Variants in SLCO1B1 observed in about 807,000 individuals in gnomAD.
SLCO1B1 encodes the protein solute carrier organic anion transporter family member 1B1.
Under a neutral mutation model 70.1 loss-of-function variants are expected in SLCO1B1, and 81 were observed. The ratio of observed to expected loss-of-function variants is 1.16; its 90% CI spans 0.97 to 1.39. The LOEUF is 1.39. SLCO1B1 is among the 40% of genes most tolerant of loss of function. The pLI, the probability that SLCO1B1 is intolerant of heterozygous loss-of-function variation, is 0.00. For missense variants in SLCO1B1, 895 were observed against 799.6 expected (o/e 1.12, Z -1.44); for synonymous variants, 283 against 271.5 (o/e 1.04, Z -0.42).
At chr12:21,188,835 T>C (rs939812704) in intron 7 of SLCO1B1, among the ~76,000 whole-genome samples, 3 of 152,144 alleles carry the variant, frequency 2.0e-5, no homozygotes, top group Non-Finnish European at 4.4e-5. Context: ...AGTGTTACTG[T>C]TTTATGTTCC....
At chr12:21,202,713 C>T in intron 10 of SLCO1B1, 27 bp downstream of exon 10, 1 of 1,528,862 alleles carries the variant, frequency 6.5e-7, no homozygotes, top group Non-Finnish European at 9.0e-7. Flanking sequence ...ATATCAATTG[C>T]ATAATATGTT....
chr12:21,136,590 A>G (rs1591794206), intron 1 of SLCO1B1, among the ~76,000 whole-genome samples: 2 of 152,148 alleles, frequency 1.3e-5, no homozygotes, highest in Non-Finnish European at 1.5e-5. Context: ...TTCGTCTTCC[A>G]TCACTGATAA....
At chr12:21,195,380 T>C (rs549444506) in intron 7 of SLCO1B1, among the ~76,000 whole-genome samples, 1 of 152,334 alleles carries the variant, frequency 6.6e-6, no homozygotes, top group African/African-American at 2.4e-5. Context: ...AATTTTTTCC[T>C]TCCCAAGGAG....
At chr12:21,150,903 T>C (rs1940462622) in intron 2 of SLCO1B1, among the ~76,000 whole-genome samples, 1 of 152,190 alleles carries the variant, frequency 6.6e-6, no homozygotes, top group African/African-American at 2.4e-5. Context: ...TCAATTTCAA[T>C]CTTTTAATTA....
At chr12:21,235,197 G>A (rs1230539557) in intron 14 of SLCO1B1, among the ~76,000 whole-genome samples, 1 of 150,758 alleles carries the variant, frequency 6.6e-6, no homozygotes, top group Non-Finnish European at 1.5e-5. Flanking sequence ...CTTAGGTCTG[G>A]TAGTATTTAT....
At chr12:21,174,440 C>T in intron 3 of SLCO1B1, 137 bp from the exon 4 acceptor site, 1 of 806,766 alleles carries the variant, frequency 1.2e-6, no homozygotes. Context: ...TAGGTGAATT[C>T]ACCTTCTCAA....
chr12:21,178,482 AT>A (rs1440440689), intron 5 of SLCO1B1, 93 bp from the exon 6 acceptor site: 93 of 903,718 alleles, frequency 1.0e-4, no homozygotes, highest in Middle Eastern at 6.8e-4. Context: ...TTAAAAAAAA[AT>A]AAGTAGAATA....
intron 10 of SLCO1B1, among the ~76,000 whole-genome samples, 197 bp from the exon 11 acceptor site, chr12:21,205,671 C>A (rs572900190): frequency 6.6e-6 from 1 of 150,810 alleles, no homozygotes; most frequent in African/African-American, 2.5e-5. Context: ...AGATGGAGAG[C>A]GTAAAATAAA....
chr12:21,147,130 T>G (rs77151898), intron 2 of SLCO1B1, among the ~76,000 whole-genome samples: 6 of 148,564 alleles, frequency 4.0e-5, no homozygotes. Flanking sequence ...AGAAGTGTTA[T>G]GTTTTCTTAA....
chr12:21,191,377 A>G (rs971285373), intron 7 of SLCO1B1, among the ~76,000 whole-genome samples: 5 of 145,752 alleles, frequency 3.4e-5, no homozygotes, highest in Non-Finnish European at 7.8e-5. Flanking sequence ...TTTATTCTTT[A>G]TGATTTTAGT....
intron 14 of SLCO1B1, among the ~76,000 whole-genome samples, chr12:21,226,609 T>G (rs1291977602): frequency 6.6e-6 from 1 of 152,088 alleles, no homozygotes; most frequent in African/African-American, 2.4e-5. Context: ...AATGATTTTA[T>G]ATGATATTAT....
chr12:21,184,597 T>C (rs953206471), intron 7 of SLCO1B1, among the ~76,000 whole-genome samples: 3 of 152,188 alleles, frequency 2.0e-5, no homozygotes, highest in African/African-American at 7.2e-5. Flanking sequence ...ACCAGCCTTA[T>C]AACAGGTCTC....
chr12:21,232,236 A>G (rs555990185), intron 14 of SLCO1B1, among the ~76,000 whole-genome samples: 1 of 152,356 alleles, frequency 6.6e-6, no homozygotes, highest in South Asian at 2.1e-4. Flanking sequence ...GAGCTATAGC[A>G]TTGGATAGTC....
At chr12:21,212,783 T>G (rs955301316) in intron 11 of SLCO1B1, among the ~76,000 whole-genome samples, 6 of 149,190 alleles carry the variant, frequency 4.0e-5, no homozygotes, top group Admixed American at 4.0e-4. Context: ...GATAGTTAGC[T>G]CTTCTTGTTG....
chr12:21,178,898 A>T (rs1469166544), intron 6 of SLCO1B1, 24 bp from the exon 7 acceptor site: 3 of 1,544,066 alleles, frequency 1.9e-6, no homozygotes, highest in Non-Finnish European at 2.7e-6. Flanking sequence ...GGCATCTAGT[A>T]AAATTGCTTT....
intron 2 of SLCO1B1, among the ~76,000 whole-genome samples, chr12:21,165,601 A>T (rs576980053): frequency 3.9e-4 from 59 of 152,292 alleles, no homozygotes; most frequent in African/African-American, 1.4e-3. Flanking sequence ...AAAATTGTGT[A>T]TTGAATTTCA....
chr12:21,227,696 A>T (rs4149083), intron 14 of SLCO1B1, among the ~76,000 whole-genome samples: 19,368 of 152,070 alleles, frequency 0.13, 1,582 homozygotes, highest in Middle Eastern at 0.18. Context: ...TTTCCAGGAC[A>T]CCTGGCAAGA....
intron 1 of SLCO1B1, among the ~76,000 whole-genome samples, chr12:21,137,271 G>A (rs370612615): frequency 3.9e-5 from 6 of 152,108 alleles, no homozygotes; most frequent in African/African-American, 9.7e-5. Flanking sequence ...TAGGCTACTC[G>A]GGGGTCAGGG....
chr12:21,222,085 A>G (rs1240980135), intron 12 of SLCO1B1, among the ~76,000 whole-genome samples: 2 of 152,008 alleles, frequency 1.3e-5, no homozygotes, highest in African/African-American at 4.8e-5. Context: ...AGCCATCTTG[A>G]AATCATGATG....
Sources: gnomAD v4.1 joint callset for allele counts (sites outside exome capture counted in the v4.1 genomes callset) on GRCh38, gnomAD v4.1.1 for gene constraint, MANE v1.5 for transcripts, NCBI Gene and HGNC (gene_info 2026-07-23, HGNC 2026-07-21) for gene names.